GREM1: variants seen among roughly 807,000 people sequenced by gnomAD.
GREM1 encodes gremlin-1.
In GREM1, 6 loss-of-function variants were observed where a neutral mutation model predicts 13.1. The ratio of observed to expected loss-of-function variants is 0.46; its 90% CI spans 0.25 to 0.91. The LOEUF is 0.91. GREM1 is among the 40% of genes least tolerant of loss of function. The pLI is 0.18. For synonymous variants in GREM1, 98 were observed against 93.7 expected (o/e 1.05, Z -0.27); for missense variants, 185 against 233.9 (o/e 0.79, Z 1.36).
chr15:32,727,816 C>A (rs1049364762), intron 1 of GREM1, among the ~76,000 whole-genome samples: 1 of 152,090 alleles, frequency 6.6e-6, no homozygotes, highest in African/African-American at 2.4e-5. Context: ...AATCAATGTG[C>A]AAAAATCACA....
rs2055680523 is a variant in GREM1 at position 32,735,088 on chromosome 15, A to G, written c.*3843A>G. ...TTGGCAATACCATGAGGTACCTTTAAAAGATAGTGAACTCCTGTCCTTGGA... is the reference window on the plus strand; with the variant it reads ...TTGGCAATACCATGAGGTACCTTTAGAAGATAGTGAACTCCTGTCCTTGGA... On this transcript the variant is annotated 3_prime_UTR_variant, in exon 2 of 2. Transcript: ENST00000651154. 2 of 152,188 alleles carry G rather than the reference A, an allele frequency of 1.3e-5. No individual in the cohort carries two copies. 9.4% of individuals were successfully genotyped at this position (152,188 alleles called of 1,614,324 possible). A position where few individuals can be genotyped will look rare whatever the true frequency, so the allele number is the denominator to read the frequency against.
At chr15:32,718,442 C>A (rs985310471) in intron 1 of GREM1, 1 of 473,324 alleles carries the variant, frequency 2.1e-6, no homozygotes, top group African/African-American at 2.0e-5. Context: ...CTCCCGGAGG[C>A]CCCCGAACAC....
At position 32,728,251 on chromosome 15, in the gene GREM1, C is replaced by T. The variant is rs532566362; in HGVS notation, c.-1-2439C>T. On this transcript the variant is annotated intron_variant, in intron 1 of 1. Coordinates refer to ENST00000651154, the MANE Select transcript of GREM1 (RefSeq NM_013372.7). ...GACTTCAAACTATACTACAAGGCTA[C>T]AGTAACAAAAACAGCATGGTATAGT... Among the ~76,000 whole-genome samples the T allele has an allele frequency of 2.6e-5, 4 of 152,206 alleles. No homozygotes were observed. In the South Asian group the frequency reaches 8.3e-4, roughly 32 times the overall value.
rs910206536 is a variant in GREM1 at position 32,718,008 on chromosome 15, G to A, written c.-155G>A. On this transcript the variant is annotated 5_prime_UTR_variant, in exon 1 of 2. Transcript: ENST00000651154. ...GGAGACGGCGCGATGCCTGGCACTC[G>A]GTGCGCCTTCCGCGGACCGGGCGAC... 36 of 1,073,380 alleles carry A rather than the reference G, an allele frequency of 3.4e-5. No homozygotes were observed. The African/African-American group carries it at 5.4e-4, about 16-fold the overall frequency. 66.5% of individuals were successfully genotyped at this position (1,073,380 alleles called of 1,614,324 possible).
rs2055778612 is a variant in GREM1, at chr15:32,743,417, T to G, written c.*12172T>G. On this transcript the variant is annotated 3_prime_UTR_variant, in exon 2 of 2. Coordinates refer to ENST00000651154, the MANE Select transcript of GREM1 (RefSeq NM_013372.7). ...AATTTTTTTCTTGGATTGAGCCATG[T>G]CTGAAGTCAAGCCAACTTTTGAAGT... 6.6e-6 allele frequency: 1 copy of G among 152,246 alleles called. No homozygotes were observed. 9.4% of individuals were successfully genotyped at this position (152,246 alleles called of 1,614,324 possible).
At position 32,723,259 on chromosome 15, in the gene GREM1, G is replaced by C. The variant is rs9920024; in HGVS notation, c.-2+5098G>C. On this transcript the variant is annotated intron_variant, in intron 1 of 1. Transcript: ENST00000651154. ...GGTGATACTACAACTGGGATTTCAA[G>C]TGCACATCACTACTATTTCCTTCAC... Among the ~76,000 whole-genome samples the C allele has an allele frequency of 0.11, 16,216 of 152,222 alleles. 921 individuals are homozygous for C. The highest frequency in any genetic ancestry group is 0.14 in the African/African-American group (5,935 of 41,518).
rs1332974507 is a variant in GREM1 at position 32,731,180 on chromosome 15, C to T, written c.490C>T (p.Pro164Ser). ...VTLNCPELQPPTKKKRVTRVK... is the reference protein window; with the variant it reads ...VTLNCPELQPSTKKKRVTRVK... ...ACTCAACTGCCCTGAACTACAGCCA[C>T]CTACCAAGAAGAAGAGAGTCACACG... Residue 164 changes from proline (P) to serine (S), a missense_variant, in exon 2 of 2, where the codon CCT (proline) becomes TCT (serine). Coordinates refer to ENST00000651154, the MANE Select transcript of GREM1 (RefSeq NM_013372.7). 1.2e-6 allele frequency: 2 copies of T among 1,614,038 alleles called. No homozygotes were observed. The highest frequency in any genetic ancestry group is 1.3e-5 in the African/African-American group (1 of 74,912).
intron 1 of GREM1, among the ~76,000 whole-genome samples, chr15:32,730,369 C>T (rs2055594201): frequency 6.6e-6 from 1 of 151,894 alleles, no homozygotes; most frequent in South Asian, 2.1e-4. Flanking sequence ...AATAAGTGAA[C>T]GTAATACAAA....
Position 32,718,006 on chromosome 15 carries a change from T to A in GREM1, c.-157T>A. ...CGGGAGACGGCGCGATGCCTGGCACTCGGTGCGCCTTCCGCGGACCGGGCG... is the reference window on the plus strand; with the variant it reads ...CGGGAGACGGCGCGATGCCTGGCACACGGTGCGCCTTCCGCGGACCGGGCG... On this transcript the variant is annotated 5_prime_UTR_variant, in exon 1 of 2. Transcript: ENST00000651154. 1.9e-6 allele frequency: 2 copies of A among 1,072,242 alleles called. No individual in the cohort carries two copies. The highest frequency in any genetic ancestry group is 2.3e-6 in the Non-Finnish European group (2 of 884,500). The allele number at this position is 1,072,242 out of a possible 1,614,324, so 66.4% of individuals were successfully genotyped here.
At chr15:32,723,223 G>T (rs1415019191) in intron 1 of GREM1, among the ~76,000 whole-genome samples, 1 of 152,162 alleles carries the variant, frequency 6.6e-6, no homozygotes, top group East Asian at 1.9e-4. Context: ...TTTACAAAGT[G>T]CACATTATTT....
intron 1 of GREM1, chr15:32,718,999 CTG>C (rs2055355511): frequency 6.0e-6 from 1 of 167,572 alleles, no homozygotes; most frequent in Non-Finnish European, 1.3e-5. Context: ...ACCCCTTAAA[CTG>C]TGTTCTAGAG....
At position 32,735,667 on chromosome 15, in the gene GREM1, C is replaced by G. The variant is rs2055687926; in HGVS notation, c.*4422C>G. On this transcript the variant is annotated 3_prime_UTR_variant, in exon 2 of 2. Coordinates refer to ENST00000651154, the MANE Select transcript of GREM1 (RefSeq NM_013372.7). ...TGGACTTGGAGGGGGAGAATGGAAGCAAGTACCAAGGAGAAAGTGTTCTCA... is the reference window on the plus strand; with the variant it reads ...TGGACTTGGAGGGGGAGAATGGAAGGAAGTACCAAGGAGAAAGTGTTCTCA... The G allele has an allele frequency of 1.3e-5, 2 of 149,538 alleles. No individual in the cohort carries two copies. The highest frequency in any genetic ancestry group is 1.4e-4 in the Admixed American group (2 of 14,712). 9.3% of individuals were successfully genotyped at this position (149,538 alleles called of 1,614,324 possible).
rs765146186 is a variant in GREM1, at chr15:32,733,580, T to C, written c.*2335T>C. ...CGTAACTACCCTAAAAGCATATCAC[T>C]AGCCAAAGAGGGAAATATCTGTTCT... On this transcript the variant is annotated 3_prime_UTR_variant, in exon 2 of 2. Transcript: ENST00000651154. 4.3e-6 allele frequency: 1 copy of C among 231,858 alleles called. No individual in the cohort carries two copies. The highest frequency in any genetic ancestry group is 2.2e-5 in the African/African-American group (1 of 44,562). 14.4% of individuals were successfully genotyped at this position (231,858 alleles called of 1,614,324 possible).
intron 1 of GREM1, among the ~76,000 whole-genome samples, chr15:32,719,850 C>A (rs761642361): frequency 2.0e-5 from 3 of 152,116 alleles, no homozygotes; most frequent in Non-Finnish European, 4.4e-5. Flanking sequence ...TTCCCCCTCC[C>A]CTTTTCTCTT....
chr15:32,719,575 C>G (rs929321319), intron 1 of GREM1, among the ~76,000 whole-genome samples: 1 of 152,096 alleles, frequency 6.6e-6, no homozygotes, highest in Non-Finnish European at 1.5e-5. Flanking sequence ...GAGAGGTGAC[C>G]ACCGATAGGT....
In GREM1 at chr15:32,738,443, T is replaced by C. The variant is rs1233938044; in HGVS notation, c.*7198T>C. The C allele has an allele frequency of 6.6e-6, 1 of 151,958 alleles. No individual in the cohort carries two copies. The highest frequency in any genetic ancestry group is 1.5e-5 in the Non-Finnish European group (1 of 68,002). 9.4% of individuals were successfully genotyped at this position (151,958 alleles called of 1,614,324 possible). On this transcript the variant is annotated 3_prime_UTR_variant, in exon 2 of 2. Transcript: ENST00000651154. ...GTACATTGAAAACAATAAAACATTG[T>C]TAAAAAATTTAAAATCATCAAAATA...
At chr15:32,724,810 C>T (rs1054113606) in intron 1 of GREM1, among the ~76,000 whole-genome samples, 2 of 151,818 alleles carry the variant, frequency 1.3e-5, no homozygotes, top group Admixed American at 6.6e-5. Flanking sequence ...CTCGACAGGC[C>T]CCAGTGTTTG....
In GREM1 at chr15:32,732,567, T is replaced by C. The variant is rs1404573155; in HGVS notation, c.*1322T>C. 4.1e-6 allele frequency: 1 copy of C among 246,242 alleles called. No individual in the cohort carries two copies. The highest frequency in any genetic ancestry group is 8.5e-6 in the Non-Finnish European group (1 of 117,002). The allele number at this position is 246,242 out of a possible 1,614,324, so 15.3% of individuals were successfully genotyped here. A position where few individuals can be genotyped will look rare whatever the true frequency, so the allele number is the denominator to read the frequency against. Reference sequence around the variant, plus strand: ...GTTAGGTGTTAATACCTGGTAGAGATGTAAGGGATATGACCTCCCTTTCTT... The same window carrying C: ...GTTAGGTGTTAATACCTGGTAGAGACGTAAGGGATATGACCTCCCTTTCTT... On this transcript the variant is annotated 3_prime_UTR_variant, in exon 2 of 2. Transcript: ENST00000651154.
At chr15:32,719,638 A>G (rs545528211) in intron 1 of GREM1, among the ~76,000 whole-genome samples, 1 of 152,222 alleles carries the variant, frequency 6.6e-6, no homozygotes, top group South Asian at 2.1e-4. Flanking sequence ...GCGTCTGTTT[A>G]TGTTCCCCTT....
Sources: allele counts gnomAD v4.1 joint callset (sites outside exome capture counted in the v4.1 genomes callset), GRCh38; gene constraint gnomAD v4.1.1; transcripts MANE v1.5; gene names NCBI Gene and HGNC (gene_info 2026-07-23, HGNC 2026-07-21).